The following WWOX variants were observed in gnomAD, a reference collection of about 807,000 sequenced individuals.
WWOX encodes WW domain-containing oxidoreductase.
WWOX carries 69 observed loss-of-function variants against 46.2 expected under a neutral mutation model. The ratio of observed to expected loss-of-function variants is 1.49; its 90% CI spans 1.23 to 1.82. WWOX has a LOEUF of 1.82. Ranked by LOEUF, WWOX falls within the 40% of genes most tolerant of loss-of-function variation. WWOX has a pLI of 0.00. For missense variants in WWOX, 919 were observed against 542.6 expected (o/e 1.69, Z -6.89); for synonymous variants, 359 against 202.6 (o/e 1.77, Z -6.56).
chr16:78,371,562 TCTA>T (rs1356726403), intron 5 of WWOX, among the ~76,000 whole-genome samples: 4 of 152,194 alleles, frequency 2.6e-5, no homozygotes, highest in South Asian at 2.1e-4. Context: ...GTTAATCTCT[TCTA>T]CTAAGATTGT....
intron 8 of WWOX, among the ~76,000 whole-genome samples, chr16:78,926,959 C>A (rs942394326): frequency 6.6e-6 from 1 of 151,996 alleles, no homozygotes; most frequent in Non-Finnish European, 1.5e-5. Context: ...ATGACACCTG[C>A]CTAATTTTGT....
At chr16:78,584,397 A>G (rs1472749370) in intron 8 of WWOX, among the ~76,000 whole-genome samples, 2 of 152,182 alleles carry the variant, frequency 1.3e-5, no homozygotes, top group African/African-American at 4.8e-5. Flanking sequence ...CAGGCTTGGG[A>G]TTTCGCAACA....
At position 78,115,068 on chromosome 16, in the gene WWOX, A is replaced by C. The variant is rs771426542; in HGVS notation, c.323A>C (p.Asp108Ala). The C allele has an allele frequency of 2.5e-6, 4 of 1,614,192 alleles. No homozygotes were observed. The South Asian group carries it at 4.4e-5, about 18-fold the overall frequency. ...AAGCCAACCACCCGGCAAAGATACG[A>C]CGGCAGCACCACTGCCATGGAAATT... ...PTKPTTRQRY[D>A]GSTTAMEILQ... Residue 108 changes from aspartate (D) to alanine (A), a missense_variant, in exon 4 of 9, where the codon GAC (aspartate) becomes GCC (alanine). Transcript: ENST00000566780.
chr16:79,087,773 T>G (rs775605531), intron 8 of WWOX, among the ~76,000 whole-genome samples: 2 of 152,228 alleles, frequency 1.3e-5, no homozygotes, highest in East Asian at 1.9e-4. Context: ...TCTTTTAGTT[T>G]AGTACGTTCT....
At chr16:78,273,094 T>C (rs1387867128) in intron 5 of WWOX, among the ~76,000 whole-genome samples, 1 of 152,224 alleles carries the variant, frequency 6.6e-6, no homozygotes, top group Non-Finnish European at 1.5e-5. Context: ...GCATTATATC[T>C]TTGTCAGAGA....
intron 8 of WWOX, among the ~76,000 whole-genome samples, chr16:78,622,748 G>A (rs950969924): frequency 3.3e-5 from 5 of 152,100 alleles, no homozygotes; most frequent in African/African-American, 1.2e-4. Context: ...TTTAGATTCG[G>A]TTACACTATA....
chr16:78,475,647 G>C (rs1225186786), intron 8 of WWOX, among the ~76,000 whole-genome samples: 1 of 152,164 alleles, frequency 6.6e-6, no homozygotes, highest in Non-Finnish European at 1.5e-5. Flanking sequence ...CCAGGCTGGA[G>C]TGCAGTGACA....
intron 8 of WWOX, among the ~76,000 whole-genome samples, chr16:78,753,268 C>A (rs117471338): frequency 0.024 from 3,678 of 152,138 alleles, 117 homozygotes; most frequent in East Asian, 0.094. Context: ...CCACTACCCT[C>A]CAGCCTGGGC....
intron 5 of WWOX, among the ~76,000 whole-genome samples, chr16:78,291,786 G>A (rs551544704): frequency 2.0e-5 from 3 of 152,292 alleles, no homozygotes; most frequent in African/African-American, 4.8e-5. Context: ...CCAGGGAGCA[G>A]GGAAAGTCAC....
At position 78,115,149 on chromosome 16, in the gene WWOX, G is replaced by C; in HGVS notation, c.404G>C (p.Gly135Ala). The C allele has an allele frequency of 6.2e-7, 1 of 1,614,192 alleles. No individual in the cohort carries two copies. The highest frequency in any genetic ancestry group is 1.1e-5 in the South Asian group (1 of 91,076). The part of the protein sequence containing the change: ...KVVVVTGANS[G>A]IGFETAKSFA... The stretch of plus-strand genomic sequence containing the variant: ...GTTGTGGTCACTGGAGCTAATTCAG[G>C]AATAGGTAGGCTCTTCACTTAGTTA... Residue 135 changes from glycine to alanine, a missense_variant, in exon 4 of 9, where the codon GGA becomes GCA. Coordinates refer to ENST00000566780, the MANE Select transcript of WWOX (RefSeq NM_016373.4).
At chr16:78,635,991 C>T (rs190138608) in intron 8 of WWOX, among the ~76,000 whole-genome samples, 22 of 152,200 alleles carry the variant, frequency 1.4e-4, no homozygotes, top group East Asian at 5.8e-4. Flanking sequence ...AATACAATTC[C>T]GTAACTCATC....
chr16:78,793,959 G>C (rs565295964), intron 8 of WWOX, among the ~76,000 whole-genome samples: 1 of 152,214 alleles, frequency 6.6e-6, no homozygotes, highest in Admixed American at 6.5e-5. Context: ...GGGCAGGTAG[G>C]GCTCAGAAAG....
At chr16:79,065,977 C>G (rs1415034237) in intron 8 of WWOX, among the ~76,000 whole-genome samples, 2 of 152,150 alleles carry the variant, frequency 1.3e-5, no homozygotes, top group Admixed American at 1.3e-4. Flanking sequence ...CCTCTTTGTA[C>G]CACCTTCCAA....
At chr16:79,018,121 G>T (rs1008888044) in intron 8 of WWOX, among the ~76,000 whole-genome samples, 11 of 152,198 alleles carry the variant, frequency 7.2e-5, no homozygotes, top group Admixed American at 4.6e-4. Context: ...ATCGGAGGCA[G>T]AGGTATCATG....
intron 8 of WWOX, among the ~76,000 whole-genome samples, chr16:79,090,244 C>G (rs1028610633): frequency 3.3e-5 from 5 of 150,764 alleles, no homozygotes; most frequent in Admixed American, 3.3e-4. Flanking sequence ...AGATGCTAGC[C>G]TCGTGGGGTG....
intron 8 of WWOX, among the ~76,000 whole-genome samples, chr16:79,042,230 C>G (rs982964017): frequency 6.6e-6 from 1 of 152,172 alleles, no homozygotes; most frequent in African/African-American, 2.4e-5. Context: ...CTCCAAAGCC[C>G]ACGCTCTCTT....
intron 8 of WWOX, among the ~76,000 whole-genome samples, chr16:78,538,213 C>A: frequency 9.6e-6 from 1 of 104,060 alleles, no homozygotes; most frequent in Non-Finnish European, 1.8e-5. Flanking sequence ...AGCTATCACT[C>A]ACACCAAAAA....
At chr16:79,015,446 G>C (rs1181477208) in intron 8 of WWOX, among the ~76,000 whole-genome samples, 1 of 152,178 alleles carries the variant, frequency 6.6e-6, no homozygotes, top group African/African-American at 2.4e-5. Context: ...GAGGATTTAA[G>C]AGTTAACCTG....
chr16:78,807,071 A>G (rs1246233709), intron 8 of WWOX, among the ~76,000 whole-genome samples: 2 of 152,216 alleles, frequency 1.3e-5, no homozygotes, highest in Non-Finnish European at 2.9e-5. Flanking sequence ...TTGTGCAAGC[A>G]TCCACCAAGT....
Sources: gnomAD v4.1 joint callset for allele counts (sites outside exome capture counted in the v4.1 genomes callset) on GRCh38, gnomAD v4.1.1 for gene constraint, MANE v1.5 for transcripts, NCBI Gene and HGNC (gene_info 2026-07-23, HGNC 2026-07-21) for gene names.